The following WWOX variants were observed in gnomAD, a reference collection of about 807,000 sequenced individuals.
WWOX encodes the protein WW domain-containing oxidoreductase.
WWOX carries 69 observed loss-of-function variants against 46.2 expected under a neutral mutation model. The ratio of observed to expected loss-of-function variants is 1.49; its 90% CI spans 1.23 to 1.82. WWOX has a LOEUF of 1.82. Among genes scored for constraint, WWOX ranks in the 40% most tolerant of loss-of-function variants. The pLI is 0.00. For missense variants in WWOX, 919 were observed against 542.6 expected (o/e 1.69, Z -6.89); for synonymous variants, 359 against 202.6 (o/e 1.77, Z -6.56).
intron 8 of WWOX, among the ~76,000 whole-genome samples, chr16:78,530,826 A>C (rs139923103): frequency 6.6e-6 from 1 of 152,212 alleles, no homozygotes; most frequent in African/African-American, 2.4e-5. Flanking sequence ...GATAGTGCTC[A>C]TAATAATTTT....
Position 78,528,165 on chromosome 16 carries a change from A to ATTTTTTTTT in WWOX, c.1056+95427_1056+95435dup, listed in dbSNP as rs56803717. Among the ~76,000 whole-genome samples the ATTTTTTTTT allele has an allele frequency of 1.8e-3, 104 of 58,384 alleles. 3 individuals carry two copies. Among genetic ancestry groups the ATTTTTTTTT allele is most frequent in the African/African-American group, 8.3e-3 (99 of 11,946 alleles). 38.3% of individuals were successfully genotyped at this position (58,384 alleles called of 152,430 possible). A position where few individuals can be genotyped will look rare whatever the true frequency, so the allele number is the denominator to read the frequency against. The stretch of plus-strand genomic sequence containing the variant: ...AGGTGCCCGCCACCACACCTGGCTA[A>ATTTTTTTTT]TTTTTTTTTTTTTTTTTTTTTTGCA... On this transcript the variant is annotated intron_variant, in intron 8 of 8. Coordinates refer to ENST00000566780, the MANE Select transcript of WWOX (RefSeq NM_016373.4).
intron 8 of WWOX, among the ~76,000 whole-genome samples, chr16:79,167,098 G>C (rs866044950): frequency 6.6e-6 from 1 of 151,980 alleles, no homozygotes; most frequent in Non-Finnish European, 1.5e-5. Flanking sequence ...GTGCTACCAC[G>C]GCCGGCTAAT....
intron 5 of WWOX, among the ~76,000 whole-genome samples, chr16:78,369,616 G>C (rs564230374): frequency 1.2e-4 from 18 of 152,082 alleles, no homozygotes; most frequent in African/African-American, 4.1e-4. Flanking sequence ...AAAACTCAAA[G>C]AGGCAAACAT....
rs188753784 is a variant in WWOX at position 78,659,536 on chromosome 16, A to G, written c.1056+226784A>G. Among the ~76,000 whole-genome samples, 9 of 152,206 alleles carry G rather than the reference A, an allele frequency of 5.9e-5. No individual in the cohort carries two copies. In the East Asian group the frequency reaches 1.7e-3, roughly 29 times the overall value. On this transcript the variant is annotated intron_variant, in intron 8 of 8. Coordinates refer to ENST00000566780, the MANE Select transcript of WWOX (RefSeq NM_016373.4). ...TTGAGAACTTCTGATCAAAAATGCC[A>G]GATAAGAAAAAAAAACCTTTCGAGA...
At chr16:78,738,026 A>G (rs112394721) in intron 8 of WWOX, among the ~76,000 whole-genome samples, 1 of 152,146 alleles carries the variant, frequency 6.6e-6, no homozygotes, top group African/African-American at 2.4e-5. Flanking sequence ...AGCCCGGTGG[A>G]CTTCTGTGGC....
intron 8 of WWOX, among the ~76,000 whole-genome samples, chr16:78,634,019 A>G (rs1017589820): frequency 1.2e-4 from 19 of 152,088 alleles, no homozygotes; most frequent in African/African-American, 4.6e-4. Context: ...CCTCGAGCCA[A>G]CTGACAGCCA....
intron 8 of WWOX, among the ~76,000 whole-genome samples, chr16:79,039,412 C>T (rs958646624): frequency 1.3e-5 from 2 of 152,156 alleles, no homozygotes; most frequent in African/African-American, 4.8e-5. Flanking sequence ...AGTCACAGAA[C>T]AGCCAAGCCC....
intron 5 of WWOX, among the ~76,000 whole-genome samples, chr16:78,375,824 C>T (rs62035783): frequency 0.06 from 9,013 of 150,812 alleles, 343 homozygotes; most frequent in Middle Eastern, 0.11. Flanking sequence ...ATAATATTAC[C>T]GGAGAAACAA....
chr16:78,785,123 T>G (rs1384492397), intron 8 of WWOX, among the ~76,000 whole-genome samples: 1 of 152,192 alleles, frequency 6.6e-6, no homozygotes, highest in Admixed American at 6.5e-5. Flanking sequence ...AATAATTCAA[T>G]ACTAGTATGT....
chr16:78,976,549 G>C (rs1220769241), intron 8 of WWOX, among the ~76,000 whole-genome samples: 1 of 152,340 alleles, frequency 6.6e-6, no homozygotes, highest in Middle Eastern at 3.4e-3. Flanking sequence ...TGCCATCATA[G>C]CTTGATCTAG....
intron 8 of WWOX, among the ~76,000 whole-genome samples, chr16:78,575,838 A>G (rs1392903699): frequency 6.6e-6 from 1 of 152,178 alleles, no homozygotes; most frequent in Non-Finnish European, 1.5e-5. Context: ...GCCTAGATAA[A>G]TACTGCATGG....
At chr16:78,404,923 A>G (rs1268412163) in intron 6 of WWOX, among the ~76,000 whole-genome samples, 1 of 152,236 alleles carries the variant, frequency 6.6e-6, no homozygotes, top group Non-Finnish European at 1.5e-5. Flanking sequence ...CATGTCAGAT[A>G]TCATGCCCAT....
In WWOX at chr16:79,187,640, C is replaced by G. The variant is rs113160522; in HGVS notation, c.1057-23968C>G. Among the ~76,000 whole-genome samples, 400 of 152,348 alleles carry G rather than the reference C, an allele frequency of 2.6e-3. 1 individual carries two copies. The highest frequency in any genetic ancestry group is 0.014 in the Middle Eastern group (4 of 294). On this transcript the variant is annotated intron_variant, in intron 8 of 8. Coordinates refer to ENST00000566780, the MANE Select transcript of WWOX (RefSeq NM_016373.4). ...CAGGCTGGTCTTGAACTCCTGACCT[C>G]AAGTGATCGGCCTGCCTCAGCCTCC... is the stretch of plus-strand genomic sequence containing the variant.
chr16:78,599,743 A>G (rs2045576327), intron 8 of WWOX, among the ~76,000 whole-genome samples: 3 of 152,002 alleles, frequency 2.0e-5, no homozygotes, highest in South Asian at 4.2e-4. Flanking sequence ...CAGAGGGAGA[A>G]TTGTTACCCC....
Position 78,808,608 on chromosome 16 carries a change from C to T in WWOX, c.1056+375856C>T, listed in dbSNP as rs200012199. Among the ~76,000 whole-genome samples the T allele has an allele frequency of 2.2e-4, 34 of 152,306 alleles. No individual in the cohort carries two copies. In the East Asian group the frequency reaches 5.4e-3, roughly 24 times the overall value. ...GGAAGTAGAGGCCTCTTCCTCACTG[C>T]TTCATTGGTTTAAAATAAACTCCAA... On this transcript the variant is annotated intron_variant, in intron 8 of 8. Transcript: ENST00000566780.
intron 8 of WWOX, among the ~76,000 whole-genome samples, chr16:79,042,004 A>C (rs1159042174): frequency 6.6e-6 from 1 of 152,112 alleles, no homozygotes; most frequent in East Asian, 1.9e-4. Flanking sequence ...GAAATGTAAA[A>C]TGTATATACC....
At chr16:78,415,880 G>A (rs1306511107) in intron 6 of WWOX, among the ~76,000 whole-genome samples, 1 of 152,020 alleles carries the variant, frequency 6.6e-6, no homozygotes, top group African/African-American at 2.4e-5. Flanking sequence ...GGAATGCATT[G>A]GCTCTAGTTG....
chr16:78,956,426 A>T (rs966243401), intron 8 of WWOX, among the ~76,000 whole-genome samples: 1 of 152,156 alleles, frequency 6.6e-6, no homozygotes, highest in African/African-American at 2.4e-5. Flanking sequence ...AAGTGCTGGG[A>T]TTACAGGCAT....
At chr16:79,013,523 G>A (rs1049848225) in intron 8 of WWOX, among the ~76,000 whole-genome samples, 1 of 152,180 alleles carries the variant, frequency 6.6e-6, no homozygotes. Context: ...TCAGGCGTGT[G>A]CAACAGGGAC....
Sources: gnomAD v4.1 joint callset for allele counts (sites outside exome capture counted in the v4.1 genomes callset) on GRCh38, gnomAD v4.1.1 for gene constraint, MANE v1.5 for transcripts, NCBI Gene and HGNC (gene_info 2026-07-23, HGNC 2026-07-21) for gene names.